The following SIAH1 variants were observed in gnomAD, a reference collection of about 807,000 sequenced individuals.
SIAH1 encodes the protein E3 ubiquitin-protein ligase SIAH1.
SIAH1 carries 2 observed loss-of-function variants against 20.0 expected under a neutral mutation model. The observed-to-expected ratio is 0.10, with a 90% confidence interval of 0.04 to 0.31. SIAH1 has a LOEUF of 0.31. Among genes scored for constraint, SIAH1 ranks in the 10% least tolerant of loss-of-function variants. The probability of loss-of-function intolerance (pLI) is 1.00; values close to 1 mark genes in which losing one functional copy is unlikely to be tolerated. For missense variants in SIAH1, 119 were observed against 355.3 expected (o/e 0.33, Z 5.35); for synonymous variants, 118 against 125.3 (o/e 0.94, Z 0.39).
chr16:48,379,565 A>C (rs1961208632), intron 1 of SIAH1, among the ~76,000 whole-genome samples: 1 of 152,234 alleles, frequency 6.6e-6, no homozygotes, highest in African/African-American at 2.4e-5. Flanking sequence ...TCAGTCGCTC[A>C]ATAACTTTTT....
intron 1 of SIAH1, among the ~76,000 whole-genome samples, chr16:48,374,103 C>G (rs1961045371): frequency 6.6e-6 from 1 of 152,224 alleles, no homozygotes; most frequent in Non-Finnish European, 1.5e-5. Flanking sequence ...ACGCCTCCTA[C>G]TCTTTTCCCA....
intron 1 of SIAH1, among the ~76,000 whole-genome samples, chr16:48,368,408 A>G (rs1466586644): frequency 6.6e-6 from 1 of 152,260 alleles, no homozygotes; most frequent in African/African-American, 2.4e-5. Context: ...AACAACAACA[A>G]AAAACAGCTG....
At chr16:48,381,843 C>T (rs1313458107) in intron 1 of SIAH1, among the ~76,000 whole-genome samples, 2 of 152,064 alleles carry the variant, frequency 1.3e-5, no homozygotes, top group Non-Finnish European at 1.5e-5. Context: ...ATAAAATGTA[C>T]GCCACTATAA....
chr16:48,362,740 A>G lies in SIAH1; in HGVS notation c.-2-310T>C, dbSNP rs1182025653. On this transcript the variant is annotated intron_variant, in intron 1 of 1. Transcript: ENST00000394725. This position sits in a 1 kb window ranked among gnomAD's most constrained non-coding sequence, Gnocchi z 4.2. ...TAAAATAGAAAATGGACCATAAACA[A>G]CTAAAGAAACTATACAAGGAACTGA... 1.2e-5 allele frequency: 3 copies of G among 256,250 alleles called. No homozygotes were observed. Among genetic ancestry groups the G allele is most frequent in the Non-Finnish European group, 2.4e-5 (3 of 123,474 alleles). 15.9% of individuals were successfully genotyped at this position (256,250 alleles called of 1,614,324 possible).
chr16:48,364,341 T>C (rs1271122648), intron 1 of SIAH1, among the ~76,000 whole-genome samples: 3 of 152,228 alleles, frequency 2.0e-5, no homozygotes, highest in Non-Finnish European at 4.4e-5. Flanking sequence ...TGGTTACCAA[T>C]GTGACCAAAT....
chr16:48,383,456 A>C (rs186461745), intron 1 of SIAH1, among the ~76,000 whole-genome samples: 40 of 152,332 alleles, frequency 2.6e-4, no homozygotes, highest in African/African-American at 9.1e-4. Flanking sequence ...CCCAGATAAA[A>C]TTACCAGACC....
chr16:48,365,878 G>C (rs1473424047), intron 1 of SIAH1: 4 of 1,240,914 alleles, frequency 3.2e-6, no homozygotes, highest in Non-Finnish European at 4.0e-6. Context: ...GCCAGCTCAA[G>C]AGTTACTGCA....
intron 1 of SIAH1, among the ~76,000 whole-genome samples, chr16:48,370,592 G>A (rs1374409934): frequency 6.6e-6 from 1 of 152,006 alleles, no homozygotes; most frequent in Non-Finnish European, 1.5e-5. Flanking sequence ...GCTGAGGTGG[G>A]CGGATCATGA....
In SIAH1 at chr16:48,362,956, T is replaced by A. The variant is rs542258656; in HGVS notation, c.-2-526A>T. On this transcript the variant is annotated intron_variant, in intron 1 of 1. Transcript: ENST00000394725. This position sits in a 1 kb window ranked among gnomAD's most constrained non-coding sequence, Gnocchi z 4.2. ...ATGGATTGAAAATATTCAGAAAAAT[T>A]TATAAAGAATACAAAATTTTTAAAA... The A allele has an allele frequency of 2.4e-5, 4 of 165,788 alleles. No homozygotes were observed. The highest frequency in any genetic ancestry group is 3.8e-4 in the East Asian group (2 of 5,196). 10.3% of individuals were successfully genotyped at this position (165,788 alleles called of 1,614,324 possible).
At chr16:48,377,656 A>G (rs969240608) in intron 1 of SIAH1, among the ~76,000 whole-genome samples, 3 of 151,874 alleles carry the variant, frequency 2.0e-5, no homozygotes, top group African/African-American at 7.3e-5. Context: ...CGGCCTCCCC[A>G]AAGTGCTGGG....
chr16:48,381,139 G>A (rs966886874), intron 1 of SIAH1, among the ~76,000 whole-genome samples: 1 of 151,926 alleles, frequency 6.6e-6, no homozygotes, highest in Admixed American at 6.6e-5. Flanking sequence ...GAGGTCAGGA[G>A]ATCAAGACCA....
chr16:48,361,491 AAG>A lies in SIAH1; in HGVS notation c.*87_*88del. The A allele has an allele frequency of 2.9e-6, 4 of 1,359,906 alleles. No individual in the cohort carries two copies. Among genetic ancestry groups the A allele is most frequent in the East Asian group, 2.3e-5 (1 of 43,246 alleles). The allele number at this position is 1,359,906 out of a possible 1,614,324, so 84.2% of individuals were successfully genotyped here. ...CATGTGTCTAGCTTCCACCTACCGA[AAG>A]AGTTTTAGGTTGGCAGACAGATGGG... is the stretch of plus-strand genomic sequence containing the variant. On this transcript the variant is annotated 3_prime_UTR_variant, in exon 2 of 2. Transcript: ENST00000394725.
At chr16:48,363,605 G>C (rs1216553048) in intron 1 of SIAH1, 1 of 167,038 alleles carries the variant, frequency 6.0e-6, no homozygotes, top group Non-Finnish European at 1.5e-5. Flanking sequence ...AATGAAAAAG[G>C]AAAGAATAAA....
chr16:48,368,394 A>AAAC (rs1369952359), intron 1 of SIAH1, among the ~76,000 whole-genome samples: 1 of 152,246 alleles, frequency 6.6e-6, no homozygotes, highest in Non-Finnish European at 1.5e-5. Context: ...ATTTAGTAAA[A>AAAC]AACAACAACA....
chr16:48,381,739 G>A (rs1313566964), intron 1 of SIAH1, among the ~76,000 whole-genome samples: 9 of 152,230 alleles, frequency 5.9e-5, no homozygotes, highest in Non-Finnish European at 1.3e-4. Context: ...AAGAAGATAA[G>A]TGGTTGGGGG....
chr16:48,380,468 A>AC (rs1202712478), intron 1 of SIAH1, among the ~76,000 whole-genome samples: 2 of 152,096 alleles, frequency 1.3e-5, no homozygotes, highest in African/African-American at 4.8e-5. Flanking sequence ...ACAAACAAAA[A>AC]AAAAACAAAA....
chr16:48,383,435 A>G (rs1961351119), intron 1 of SIAH1, among the ~76,000 whole-genome samples: 1 of 152,214 alleles, frequency 6.6e-6, no homozygotes, highest in South Asian at 2.1e-4. Context: ...CCATAATTTG[A>G]GCCAACAACT....
intron 1 of SIAH1, chr16:48,365,530 C>T: frequency 6.3e-7 from 1 of 1,584,192 alleles, no homozygotes; most frequent in East Asian, 2.3e-5. Flanking sequence ...GAACAGGCCC[C>T]TCCTGGGCTC....
At chr16:48,385,918 G>T (rs903917470), upstream of SIAH1, among the ~76,000 whole-genome samples, 13 of 152,138 alleles carry the variant, frequency 8.5e-5, no homozygotes, top group African/African-American at 2.2e-4. Flanking sequence ...CCTGCCCGCC[G>T]ACCGGGACCC....
Sources: allele counts gnomAD v4.1 joint callset (sites outside exome capture counted in the v4.1 genomes callset), GRCh38; gene constraint gnomAD v4.1.1; non-coding constraint Gnocchi (gnomAD v3.1); transcripts MANE v1.5; gene names NCBI Gene and HGNC (gene_info 2026-07-23, HGNC 2026-07-21).